ABHD6: variants seen among roughly 807,000 people sequenced by gnomAD.
ABHD6 encodes the protein monoacylglycerol lipase ABHD6.
A neutral mutation model predicts 38.8 loss-of-function variants in ABHD6; 33 were observed. That is an observed-to-expected ratio of 0.85 (90% CI 0.64 to 1.14). The LOEUF is 1.14. Ranked by LOEUF, ABHD6 falls within the 50% of genes most tolerant of loss-of-function variation. The pLI is 0.00. For missense variants in ABHD6, 380 were observed against 422.6 expected (o/e 0.90, Z 0.88); for synonymous variants, 147 against 161.6 (o/e 0.91, Z 0.69).
At chr3:58,271,764 C>CTGTTTT (rs2097445084) in intron 6 of ABHD6, among the ~76,000 whole-genome samples, 1 of 78,114 alleles carries the variant, frequency 1.3e-5, no homozygotes, top group Non-Finnish European at 2.5e-5. Context: ...CCCCCTCTCT[C>CTGTTTT]TGTTTTTTTT....
At chr3:58,262,724 G>A (rs933707536) in intron 3 of ABHD6, among the ~76,000 whole-genome samples, 1 of 152,140 alleles carries the variant, frequency 6.6e-6, no homozygotes, top group Non-Finnish European at 1.5e-5. Flanking sequence ...CAGCTGGCCT[G>A]GTATCTTAGA....
In ABHD6 at chr3:58,273,609, C is replaced by A. The variant is rs928644344; in HGVS notation, c.524-1049C>A. On this transcript the variant is annotated intron_variant, in intron 6 of 9. Transcript: ENST00000478253. The surrounding 1 kb of genome is among the most constrained non-coding windows in gnomAD (Gnocchi z 4.8). ...ATGAAGCTGGAAGCATCATTCTCAG[C>A]AAACTAACACAGGAACAGAAAACCA... Among the ~76,000 whole-genome samples the A allele has an allele frequency of 6.6e-6, 1 of 152,104 alleles. No individual in the cohort carries two copies. The highest frequency in any genetic ancestry group is 1.5e-5 in the Non-Finnish European group (1 of 68,024).
intron 3 of ABHD6, among the ~76,000 whole-genome samples, chr3:58,258,878 C>T (rs1384230015): frequency 6.6e-6 from 1 of 152,162 alleles, no homozygotes; most frequent in East Asian, 1.9e-4. Context: ...TCCCAAGTCA[C>T]CCGGGACCCA....
rs2097435459 is a variant in ABHD6 at position 58,259,385 on chromosome 3, G to A, written c.119+2680G>A. Among the ~76,000 whole-genome samples the A allele has an allele frequency of 6.6e-6, 1 of 152,124 alleles. No homozygotes were observed. The highest frequency in any genetic ancestry group is 2.1e-4 in the South Asian group (1 of 4,824). On this transcript the variant is annotated intron_variant, in intron 3 of 9. Transcript: ENST00000478253. This position sits in a 1 kb window ranked among gnomAD's most constrained non-coding sequence, Gnocchi z 4.7. ...ATAACATAAAAGTCACCATTTTAAA[G>A]TGTACAATTCAAGGCTGGGCACGAT...
intron 9 of ABHD6, among the ~76,000 whole-genome samples, chr3:58,289,442 G>A (rs868264590): frequency 6.7e-6 from 1 of 149,320 alleles, no homozygotes; most frequent in Non-Finnish European, 1.5e-5. Context: ...GACTCTTAAC[G>A]AGCATGCTGC....
rs1228797756 is a variant in ABHD6 at position 58,267,490 on chromosome 3, C to T, written c.276+145C>T. Reference sequence around the variant, plus strand: ...AACCAGCCTGGACAACATAAAGAAACCCTGTCTCTACAAAAAATTAAAAAA... The same window carrying T: ...AACCAGCCTGGACAACATAAAGAAATCCTGTCTCTACAAAAAATTAAAAAA... On this transcript the variant is annotated intron_variant, in intron 4 of 9. Transcript: ENST00000478253. The surrounding 1 kb of genome is among the most constrained non-coding windows in gnomAD (Gnocchi z 4.3). 9.3e-7 allele frequency: 1 copy of T among 1,073,844 alleles called. No homozygotes were observed. The highest frequency in any genetic ancestry group is 1.3e-6 in the Non-Finnish European group (1 of 746,282). 66.5% of individuals were successfully genotyped at this position (1,073,844 alleles called of 1,614,324 possible).
intron 1 of ABHD6, among the ~76,000 whole-genome samples, chr3:58,245,635 C>T (rs759435435): frequency 1.4e-4 from 22 of 152,100 alleles, no homozygotes; most frequent in Non-Finnish European, 1.9e-4. Flanking sequence ...AAAAATTAGC[C>T]GGGTATGATG....
intron 5 of ABHD6, among the ~76,000 whole-genome samples, chr3:58,270,259 C>T (rs1443191038): frequency 6.6e-6 from 1 of 152,008 alleles, no homozygotes; most frequent in South Asian, 2.1e-4. Context: ...AGCACAGGAG[C>T]CCTCAAACTA....
rs1386869805 is a variant in ABHD6 at position 58,265,728 on chromosome 3, G to T, written c.120-1461G>T. ...GGCTTATTGTTCTGGAGGTTGGGAA[G>T]CCCAAGAGAATGGCACCAATATCTG... is the stretch of plus-strand genomic sequence containing the variant. On this transcript the variant is annotated intron_variant, in intron 3 of 9. Coordinates refer to ENST00000478253, the MANE Select transcript of ABHD6 (RefSeq NM_001320126.2). This position sits in a 1 kb window ranked among gnomAD's most constrained non-coding sequence, Gnocchi z 4.2. Among the ~76,000 whole-genome samples, 1 of 152,218 alleles carries T rather than the reference G, an allele frequency of 6.6e-6. No homozygotes were observed. The highest frequency in any genetic ancestry group is 1.5e-5 in the Non-Finnish European group (1 of 68,048).
At chr3:58,243,879 G>A (rs2097424521) in intron 1 of ABHD6, among the ~76,000 whole-genome samples, 1 of 152,018 alleles carries the variant, frequency 6.6e-6, no homozygotes, top group African/African-American at 2.4e-5. Flanking sequence ...GTCCAGGCTG[G>A]TCTCAAACCT....
intron 6 of ABHD6, among the ~76,000 whole-genome samples, chr3:58,271,652 G>A (rs1039778102): frequency 2.6e-5 from 4 of 150,980 alleles, no homozygotes; most frequent in South Asian, 2.1e-4. Context: ...CGATATTACC[G>A]TTTGAAGTTG....
At chr3:58,271,766 G>GTTTTTTT (rs3038091) in intron 6 of ABHD6, among the ~76,000 whole-genome samples, 1,095 of 63,628 alleles carry the variant, frequency 0.017, 161 homozygotes, top group East Asian at 0.041. Flanking sequence ...CCCTCTCTCT[G>GTTTTTTT]TTTTTTTTTT....
chr3:58,259,077 G>T lies in ABHD6; in HGVS notation c.119+2372G>T, dbSNP rs77722857. Among the ~76,000 whole-genome samples the T allele has an allele frequency of 6.6e-6, 1 of 152,082 alleles. No individual in the cohort carries two copies. The highest frequency in any genetic ancestry group is 1.5e-5 in the Non-Finnish European group (1 of 68,030). On this transcript the variant is annotated intron_variant, in intron 3 of 9. Transcript: ENST00000478253. The surrounding 1 kb of genome is among the most constrained non-coding windows in gnomAD (Gnocchi z 4.7). ...CATGGACTGCCACACACAAAACGCC[G>T]TTTTTATTAACGACATGAAATTGAA...
rs1404716465 is a variant in ABHD6 at position 58,266,181 on chromosome 3, C to T, written c.120-1008C>T. On this transcript the variant is annotated intron_variant, in intron 3 of 9. Transcript: ENST00000478253. This position sits in a 1 kb window ranked among gnomAD's most constrained non-coding sequence, Gnocchi z 4.0. ...AACCAACCAGGTGCGGTTTAACCAG[C>T]TGGACGTCTGTAACCCAAGCACTTT... Among the ~76,000 whole-genome samples, 1 of 152,160 alleles carries T rather than the reference C, an allele frequency of 6.6e-6. No homozygotes were observed. The highest frequency in any genetic ancestry group is 1.5e-5 in the Non-Finnish European group (1 of 68,032).
At chr3:58,252,401 ATGGGGCCTCTCCATGT>A (rs1442402744) in intron 2 of ABHD6, among the ~76,000 whole-genome samples, 1 of 151,588 alleles carries the variant, frequency 6.6e-6, no homozygotes, top group Non-Finnish European at 1.5e-5. Context: ...TTTTGTAAAG[ATGGGGCCTCTCCATGT>A]TGCCCAGGCC....
At chr3:58,274,440 A>G (rs535033852) in intron 6 of ABHD6, among the ~76,000 whole-genome samples, 1 of 152,310 alleles carries the variant, frequency 6.6e-6, no homozygotes, top group Non-Finnish European at 1.5e-5. Context: ...CTACAGTGTG[A>G]GTGACCAGTC....
intron 1 of ABHD6, among the ~76,000 whole-genome samples, chr3:58,242,808 G>A (rs903752136): frequency 5.3e-5 from 8 of 152,142 alleles, no homozygotes; most frequent in African/African-American, 1.4e-4. Context: ...TGCCATGTTG[G>A]TTTGCTGCAC....
intron 6 of ABHD6, 45 bp downstream of exon 6, chr3:58,271,109 G>A: frequency 6.5e-7 from 1 of 1,542,072 alleles, no homozygotes; most frequent in Non-Finnish European, 8.7e-7. Flanking sequence ...ATGAATCCCT[G>A]AAGAAACAAG....
At chr3:58,274,201 G>A (rs921845434) in intron 6 of ABHD6, among the ~76,000 whole-genome samples, 1 of 152,208 alleles carries the variant, frequency 6.6e-6, no homozygotes, top group Non-Finnish European at 1.5e-5. Context: ...AAGGGAAGGA[G>A]TGTCATTCAT....
Sources: gnomAD v4.1 joint callset for allele counts (sites outside exome capture counted in the v4.1 genomes callset) on GRCh38, gnomAD v4.1.1 for gene constraint, Gnocchi (gnomAD v3.1) non-coding constraint, MANE v1.5 for transcripts, NCBI Gene and HGNC (gene_info 2026-07-23, HGNC 2026-07-21) for gene names.